Variants in ADAMTSL3 observed in about 807,000 individuals in gnomAD.
ADAMTSL3 encodes ADAMTS-like protein 3.
A neutral mutation model predicts 201.7 loss-of-function variants in ADAMTSL3; 128 were observed. That is an observed-to-expected ratio of 0.63 (90% confidence interval 0.55 to 0.73). The LOEUF (loss-of-function observed/expected upper bound fraction) is 0.73. Ranked by LOEUF, ADAMTSL3 falls within the 30% of genes least tolerant of loss-of-function variation. The pLI is 0.00. For missense variants in ADAMTSL3, 1,990 were observed against 2,119.6 expected, an observed-to-expected ratio of 0.94 and a Z score of 1.20; for synonymous variants, 738 against 748.4, an observed-to-expected ratio of 0.99 and a Z score of 0.23.
intron 3 of ADAMTSL3, among the ~76,000 whole-genome samples, chr15:83,709,193 T>C (rs2061898388): frequency 6.6e-6 from 1 of 152,268 alleles, no homozygotes. Flanking sequence ...TTCATAAGCA[T>C]ATTTATTCCT....
chr15:83,816,099 A>G (rs2063766107), intron 5 of ADAMTSL3, among the ~76,000 whole-genome samples: 1 of 152,242 alleles, frequency 6.6e-6, no homozygotes, highest in South Asian at 2.1e-4. Flanking sequence ...AAATCAGAAA[A>G]TGAGGAACAC....
At chr15:83,686,672 T>TGAAG (rs1333058613) in intron 2 of ADAMTSL3, among the ~76,000 whole-genome samples, 1 of 152,172 alleles carries the variant, frequency 6.6e-6, no homozygotes, top group African/African-American at 2.4e-5. Flanking sequence ...TATTCCTTTG[T>TGAAG]GAAGCCCCTT....
chr15:83,929,759 GAGAGAGAC>G (rs566986125), intron 17 of ADAMTSL3, among the ~76,000 whole-genome samples: 43 of 150,750 alleles, frequency 2.9e-4, no homozygotes, highest in Non-Finnish European at 4.4e-4. Context: ...CAGAGAGACA[GAGAGAGAC>G]AGAGAGACAG....
chr15:83,694,477 G>A (rs1199147372), intron 2 of ADAMTSL3: 1 of 152,084 alleles, frequency 6.6e-6, no homozygotes, highest in Non-Finnish European at 1.5e-5. Context: ...TTTTCCTGGG[G>A]AACTTTAAAG....
chr15:83,986,241 G>C (rs902248469), intron 21 of ADAMTSL3, among the ~76,000 whole-genome samples: 2 of 152,192 alleles, frequency 1.3e-5, no homozygotes, highest in African/African-American at 4.8e-5. Flanking sequence ...TGTAAGGAAA[G>C]AGAGGCTGAC....
chr15:84,026,313 C>G (rs1341443170), intron 27 of ADAMTSL3, among the ~76,000 whole-genome samples: 1 of 152,004 alleles, frequency 6.6e-6, no homozygotes. Flanking sequence ...TTCAAAGAAA[C>G]TAAAGAAGAT....
At chr15:84,021,628 C>A in intron 26 of ADAMTSL3, 35 bp downstream of exon 26, 1 of 1,596,664 alleles carries the variant, frequency 6.3e-7, no homozygotes, top group Non-Finnish European at 8.5e-7. Flanking sequence ...TCATCAACAC[C>A]AAGTTTTTGT....
Position 83,913,187 on chromosome 15 carries a change from A to G in ADAMTSL3, c.1796A>G (p.Gln599Arg). 6.2e-7 allele frequency: 1 copy of G among 1,614,170 alleles called. No homozygotes were observed. Among genetic ancestry groups the G allele is most frequent in the Non-Finnish European group, 8.5e-7 (1 of 1,180,020 alleles). The change falls in exon 16 of 30, where the codon CAG becomes CGG. Residue 599 changes from glutamine to arginine, a missense_variant. Transcript: ENST00000286744. ...TGCCGTGTGCTCCTCACATTCACGC[A>G]GACTGAGACTGAGCTGCCCGAGGAA... ...VKCRVLLTFT[Q>R]TETELPEEEC...
intron 19 of ADAMTSL3, among the ~76,000 whole-genome samples, chr15:83,947,261 A>G (rs1314674615): frequency 6.6e-6 from 1 of 152,268 alleles, no homozygotes; most frequent in African/African-American, 2.4e-5. Flanking sequence ...CCCTGGACAC[A>G]GAAAGGCTGA....
chr15:83,880,293 T>G (rs2141853259), intron 9 of ADAMTSL3, among the ~76,000 whole-genome samples: 1 of 152,296 alleles, frequency 6.6e-6, no homozygotes, highest in South Asian at 2.1e-4. Context: ...ATTTCCACTT[T>G]CTTTTTATCT....
At position 83,704,504 on chromosome 15, in the gene ADAMTSL3, A is replaced by G. The variant is rs1223525209; in HGVS notation, c.185A>G (p.Asp62Gly). 1.2e-6 allele frequency: 2 copies of G among 1,614,156 alleles called. No individual in the cohort carries two copies. Among genetic ancestry groups the G allele is most frequent in the Admixed American group, 1.7e-5 (1 of 60,022 alleles). The change falls in exon 3 of 30, where the codon GAC becomes GGC. Residue 62 changes from aspartate to glycine, a missense_variant. Coordinates refer to ENST00000286744, the MANE Select transcript of ADAMTSL3 (RefSeq NM_207517.3). ...CAGTTCCTCACTTATCGCTATGATG[A>G]CCAGGTAAGAACATTGGACAAGGAT... is the stretch of plus-strand genomic sequence containing the variant. ...GEQFLTYRYD[D>G]QTSRNTRSDE...
intron 7 of ADAMTSL3, among the ~76,000 whole-genome samples, chr15:83,858,298 T>C (rs1197349032): frequency 6.6e-6 from 1 of 152,202 alleles, no homozygotes; most frequent in African/African-American, 2.4e-5. Flanking sequence ...GTTTCTTTAA[T>C]GTTATTTAAG....
rs893572554 is a variant in ADAMTSL3, at chr15:83,734,066, A to AT, written c.189+29564dup. ...ATAGTGAGTCTCTGAGACAAAAGTA[A>AT]TTTTTTGTGTTTTATAATGATGCTT... On this transcript the variant is annotated intron_variant, in intron 3 of 29. Transcript: ENST00000286744. Among the ~76,000 whole-genome samples the AT allele has an allele frequency of 2.6e-5, 4 of 152,120 alleles. 1 individual carries two copies. Among genetic ancestry groups the AT allele is most frequent in the Admixed American group, 1.3e-4 (2 of 15,264 alleles).
chr15:83,739,788 A>G (rs1030074912), intron 3 of ADAMTSL3: 4 of 571,174 alleles, frequency 7.0e-6, no homozygotes, highest in Non-Finnish European at 1.3e-5. Flanking sequence ...CCCATCATGC[A>G]TGAGTACATC....
intron 10 of ADAMTSL3, among the ~76,000 whole-genome samples, chr15:83,889,543 C>T (rs563785449): frequency 3.3e-5 from 5 of 152,186 alleles, no homozygotes; most frequent in Admixed American, 6.5e-5. Flanking sequence ...TTACGTAAGA[C>T]GGTTGCATAT....
At chr15:83,899,845 T>C in intron 15 of ADAMTSL3, 114 bp downstream of exon 15, 1 of 1,370,958 alleles carries the variant, frequency 7.3e-7, no homozygotes, top group African/African-American at 1.5e-5. Flanking sequence ...ATGACCTGGA[T>C]TTACAGACTC....
At chr15:83,959,500 C>G (rs2066918858) in intron 19 of ADAMTSL3, among the ~76,000 whole-genome samples, 1 of 152,152 alleles carries the variant, frequency 6.6e-6, no homozygotes, top group Non-Finnish European at 1.5e-5. Context: ...GAAAATCAAA[C>G]TGACGCTAGA....
At chr15:83,926,249 A>G (rs2066243668) in intron 17 of ADAMTSL3, among the ~76,000 whole-genome samples, 1 of 152,204 alleles carries the variant, frequency 6.6e-6, no homozygotes, top group Admixed American at 6.5e-5. Context: ...AAGGAAAGAA[A>G]GAGCTCAGTA....
intron 4 of ADAMTSL3, among the ~76,000 whole-genome samples, chr15:83,777,382 C>G (rs1255678445): frequency 2.0e-5 from 3 of 152,190 alleles, no homozygotes; most frequent in Admixed American, 1.3e-4. Context: ...GACCGGCAGT[C>G]CAAAAACATT....
Sources: allele counts gnomAD v4.1 joint callset (sites outside exome capture counted in the v4.1 genomes callset), GRCh38; gene constraint gnomAD v4.1.1; transcripts MANE v1.5; gene names NCBI Gene and HGNC (gene_info 2026-07-23, HGNC 2026-07-21).